Variants in MLXIP observed in about 807,000 individuals in gnomAD.
The protein encoded by MLXIP is MLX interacting protein.
A neutral mutation model predicts 87.2 loss-of-function variants in MLXIP; 30 were observed. The ratio of observed to expected loss-of-function variants is 0.34; its 90% CI spans 0.26 to 0.47. The LOEUF (loss-of-function observed/expected upper bound fraction) is 0.47. MLXIP is among the 20% of genes least tolerant of loss of function. The pLI is 1.00. For synonymous variants in MLXIP, 530 were observed against 514.0 expected (o/e 1.03, Z -0.42); for missense variants, 1,002 against 1,240.1 (o/e 0.81, Z 2.88).
chr12:122,106,147 T>C (rs1952516449), intron 1 of MLXIP, among the ~76,000 whole-genome samples: 1 of 152,240 alleles, frequency 6.6e-6, no homozygotes, highest in South Asian at 2.1e-4. Context: ...GACCCATTTA[T>C]GGTGGTGATG....
intron 1 of MLXIP, among the ~76,000 whole-genome samples, chr12:122,080,158 T>G (rs1952070656): frequency 6.6e-6 from 1 of 152,208 alleles, no homozygotes; most frequent in Non-Finnish European, 1.5e-5. Flanking sequence ...TATTAGGTAT[T>G]TGCTGCAGGT....
intron 15 of MLXIP, among the ~76,000 whole-genome samples, chr12:122,139,173 A>G (rs983431859): frequency 3.9e-5 from 6 of 152,138 alleles, no homozygotes; most frequent in Non-Finnish European, 7.4e-5. Flanking sequence ...GGGAGGTAGA[A>G]CGGTGGGCTT....
rs1396151353 is a variant in MLXIP, at chr12:122,127,875, C to T, written c.521-8C>T. 24 of 1,613,306 alleles carry T rather than the reference C, an allele frequency of 1.5e-5. No homozygotes were observed. The highest frequency in any genetic ancestry group is 2.0e-5 in the Non-Finnish European group (24 of 1,179,354). On this transcript the variant is annotated splice_polypyrimidine_tract_variant and splice_region_variant and intron_variant, in intron 2 of 16. Coordinates refer to ENST00000319080, the MANE Select transcript of MLXIP (RefSeq NM_014938.6). The stretch of plus-strand genomic sequence containing the variant: ...CATGGTGCTGACTCTCACCCTCTCT[C>T]TGCTCAGATCTGGAGAAGCGCAAGA...
chr12:122,130,537 G>A (rs931320389), intron 6 of MLXIP, among the ~76,000 whole-genome samples: 1 of 151,502 alleles, frequency 6.6e-6, no homozygotes, highest in African/African-American at 2.4e-5. Context: ...AACCTCTCAG[G>A]GAAGAGCCCA....
intron 1 of MLXIP, among the ~76,000 whole-genome samples, chr12:122,092,509 C>T (rs1289552549): frequency 6.6e-6 from 1 of 152,160 alleles, no homozygotes; most frequent in East Asian, 1.9e-4. Flanking sequence ...CTGCCTGGTA[C>T]ACCCCAGAGG....
In MLXIP at chr12:122,082,672, T is replaced by C. The variant is rs76494026; in HGVS notation, c.413+3406T>C. The stretch of plus-strand genomic sequence containing the variant: ...CCAGGGTCTTAGCTGAGCTTTCAAA[T>C]GCCTGCTTGACAAATACTAAATAGA... On this transcript the variant is annotated intron_variant, in intron 1 of 16. Coordinates refer to ENST00000319080, the MANE Select transcript of MLXIP (RefSeq NM_014938.6). Among the ~76,000 whole-genome samples, 1,051 of 152,330 alleles carry C rather than the reference T, an allele frequency of 6.9e-3. 14 individuals are homozygous for C. Among genetic ancestry groups the C allele is most frequent in the African/African-American group, 0.024 (985 of 41,572 alleles).
chr12:122,105,684 A>G (rs1322778281), intron 1 of MLXIP, among the ~76,000 whole-genome samples: 1 of 151,784 alleles, frequency 6.6e-6, no homozygotes, highest in Non-Finnish European at 1.5e-5. Flanking sequence ...CAAAAGAGGT[A>G]TCTCTCAAAA....
At chr12:122,086,064 G>A (rs1465482269) in intron 1 of MLXIP, among the ~76,000 whole-genome samples, 1 of 152,166 alleles carries the variant, frequency 6.6e-6, no homozygotes, top group South Asian at 2.1e-4. Flanking sequence ...GTCAGCTGCT[G>A]TTGGCAGCTT....
chr12:122,128,829 G>A (rs1319169161), intron 3 of MLXIP: 2 of 293,032 alleles, frequency 6.8e-6, no homozygotes, highest in Admixed American at 4.7e-5. Context: ...AATTGCTGCA[G>A]CGTTCCCCTG....
In MLXIP at chr12:122,078,865, C is replaced by T; in HGVS notation, c.12C>T (p.Asp4=). Residue 4 remains aspartate (D), a synonymous_variant, in exon 1 of 17, where the codon GAC becomes GAT. Transcript: ENST00000319080. MAA[D]VFMCSPRRPR... ...GCCGAGCCCTTCTCATGGCCGCCGA[C>T]GTCTTCATGTGCTCCCCGCGCCGGC... The T allele has an allele frequency of 2.7e-6, 3 of 1,101,444 alleles. No individual in the cohort carries two copies. Among genetic ancestry groups the T allele is most frequent in the South Asian group, 3.2e-5 (1 of 30,814 alleles). The allele number at this position is 1,101,444 out of a possible 1,614,324, so 68.2% of individuals were successfully genotyped here. A position where few individuals can be genotyped will look rare whatever the true frequency, so the allele number is the denominator to read the frequency against.
chr12:122,095,310 G>A (rs1005613984), intron 1 of MLXIP, among the ~76,000 whole-genome samples: 5 of 151,836 alleles, frequency 3.3e-5, no homozygotes, highest in Admixed American at 2.6e-4. Context: ...GGGGGTGTGT[G>A]TTTGCAGTAC....
At chr12:122,084,149 T>A in intron 1 of MLXIP, among the ~76,000 whole-genome samples, 1 of 23,118 alleles carries the variant, frequency 4.3e-5, no homozygotes, top group East Asian at 2.0e-3. Flanking sequence ...CCAGATTGTG[T>A]GTGTGTGTGT....
In MLXIP at chr12:122,133,805, C is replaced by T. The variant is rs1953029916; in HGVS notation, c.1550C>T (p.Ser517Leu). 1 of 1,613,166 alleles carries T rather than the reference C, an allele frequency of 6.2e-7. No individual in the cohort carries two copies. Among genetic ancestry groups the T allele is most frequent in the African/African-American group, 1.3e-5 (1 of 75,062 alleles). The change falls in exon 9 of 17, where the codon TCA becomes TTA. Residue 517 changes from serine to leucine, a missense_variant. Ser to Leu is a moderately radical substitution (Grantham distance 145). Coordinates refer to ENST00000319080, the MANE Select transcript of MLXIP (RefSeq NM_014938.6). The surrounding 1 kb of genome is among the most constrained non-coding windows in gnomAD (Gnocchi z 4.9). ...ATCACCACCCATCACCCTGCCCCGT[C>T]AGCGGCCCCTTGTGGGCTGGCACTG... is the stretch of plus-strand genomic sequence containing the variant. ...LVITTHHPAP[S>L]AAPCGLALSP...
chr12:122,117,796 G>C (rs1952716027), intron 1 of MLXIP, among the ~76,000 whole-genome samples: 1 of 152,152 alleles, frequency 6.6e-6, no homozygotes, highest in South Asian at 2.1e-4. Context: ...TCACATGTTA[G>C]CTCTATACTT....
intron 2 of MLXIP, 63 bp downstream of exon 2, chr12:122,127,425 A>G: frequency 8.4e-7 from 1 of 1,192,464 alleles, no homozygotes; most frequent in Non-Finnish European, 1.2e-6. Flanking sequence ...AGGCCTGGGC[A>G]CCCAGGGACC....
intron 1 of MLXIP, among the ~76,000 whole-genome samples, chr12:122,080,037 G>C (rs1230053429): frequency 1.3e-5 from 2 of 152,230 alleles, no homozygotes; most frequent in Non-Finnish European, 2.9e-5. Context: ...ACACCGTTCT[G>C]ACATGTGGAT....
At position 122,131,441 on chromosome 12, in the gene MLXIP, C is replaced by CTTTTT. The variant is rs1174308802; in HGVS notation, c.1000+529_1000+533dup. 1.5e-3 allele frequency among the ~76,000 whole-genome samples: 115 copies of CTTTTT among 76,566 alleles called. 5 individuals are homozygous for CTTTTT. The highest frequency in any genetic ancestry group is 0.012 in the Admixed American group (65 of 5,476). The allele number at this position is 76,566 out of a possible 152,430, so 50.2% of individuals were successfully genotyped here. On this transcript the variant is annotated intron_variant, in intron 7 of 16. Transcript: ENST00000319080. The stretch of plus-strand genomic sequence containing the variant: ...GGTTTAGTCCTTGATTTGTTTGAGT[C>CTTTTT]TTTTTTTTTTTTTTTTTTTTTTTTT...
rs1458951855 is a variant in MLXIP at position 122,141,064 on chromosome 12, C to T, written c.2619C>T (p.Ser873=). 1 of 1,611,794 alleles carries T rather than the reference C, an allele frequency of 6.2e-7. No homozygotes were observed. Among genetic ancestry groups the T allele is most frequent in the Non-Finnish European group, 8.5e-7 (1 of 1,179,480 alleles). ...TCTCCTGGCTGGACCAGCACTGCTC[C>T]CTGCCCATCCTCAGGCCGAGTGAGT... is the stretch of plus-strand genomic sequence containing the variant. ...TALSWLDQHC[S]LPILRPMVLS... Residue 873 remains serine (S), a synonymous_variant, in exon 16 of 17, where the codon TCC becomes TCT. Transcript: ENST00000319080.
chr12:122,132,604 T>C, intron 8 of MLXIP: 2 of 529,596 alleles, frequency 3.8e-6, no homozygotes, highest in Non-Finnish European at 6.7e-6. Context: ...CCAGGTGTGC[T>C]TCTGCCTGAG....
Sources: allele counts gnomAD v4.1 joint callset (sites outside exome capture counted in the v4.1 genomes callset), GRCh38; gene constraint gnomAD v4.1.1; non-coding constraint Gnocchi (gnomAD v3.1); transcripts MANE v1.5; gene names NCBI Gene and HGNC (gene_info 2026-07-23, HGNC 2026-07-21).